CD33: variants seen among roughly 807,000 people sequenced by gnomAD.
CD33 encodes the protein myeloid cell surface antigen CD33.
Under a neutral mutation model 31.4 loss-of-function variants are expected in CD33, and 25 were observed. That is an observed-to-expected ratio of 0.80 (90% confidence interval 0.58 to 1.11). The LOEUF (loss-of-function observed/expected upper bound fraction) is 1.11. Among genes scored for constraint, CD33 ranks in the 50% most tolerant of loss-of-function variants. The pLI is 0.00. For synonymous variants in CD33, 176 were observed against 180.6 expected, an observed-to-expected ratio of 0.97 and a Z score of 0.20; for missense variants, 407 against 448.1, an observed-to-expected ratio of 0.91 and a Z score of 0.83.
chr19:51,233,017 G>A (rs2123272228), intron 4 of CD33, among the ~76,000 whole-genome samples: 1 of 152,342 alleles, frequency 6.6e-6, no homozygotes, highest in African/African-American at 2.4e-5. Flanking sequence ...ACCAGCCAGT[G>A]GTAGCCCATG....
At chr19:51,228,650 AT>A (rs1361114302) in intron 4 of CD33, among the ~76,000 whole-genome samples, 1 of 151,340 alleles carries the variant, frequency 6.6e-6, no homozygotes, top group Non-Finnish European at 1.5e-5. Flanking sequence ...TGAGAGTTTT[AT>A]TGTTAGAGTC....
the CD33 span, chr19:51,211,618 A>G: frequency 6.2e-6 from 9 of 1,449,818 alleles, no homozygotes; most frequent in Non-Finnish European, 8.4e-6. Flanking sequence ...AGCAGCCACA[A>G]GGGAAGGTCA....
chr19:51,211,158 G>C, the CD33 span: 45 of 1,597,708 alleles, frequency 2.8e-5, no homozygotes, highest in Non-Finnish European at 3.5e-5. Flanking sequence ...GAATGGCTGC[G>C]GGGAGAGGGG....
the CD33 span, chr19:51,211,960 T>C: frequency 8.0e-7 from 1 of 1,257,744 alleles, no homozygotes; most frequent in Non-Finnish European, 1.2e-6. Flanking sequence ...CACTCCTCAG[T>C]GCTCACGATC....
At chr19:51,211,599 G>A in the CD33 span, 1 of 1,494,558 alleles carries the variant, frequency 6.7e-7, no homozygotes, top group Non-Finnish European at 9.0e-7. Context: ...GTGAGGCACA[G>A]GCTTCAGAAG....
Position 51,235,569 on chromosome 19 carries a change from T to G in CD33, c.843-26T>G, listed in dbSNP as rs558681033. The G allele has an allele frequency of 6.2e-6, 10 of 1,605,316 alleles. No homozygotes were observed. The African/African-American group carries it at 1.3e-4, about 21-fold the overall frequency. On this transcript the variant is annotated intron_variant, in intron 5 of 6. Coordinates refer to ENST00000262262, the MANE Select transcript of CD33 (RefSeq NM_001772.4). ...GCCCCACAGCCTGAGAAAACCAGGC[T>G]CAAAGACCCTGGTGTCTCCCATCAG...
At chr19:51,231,261 G>A (rs565386595) in intron 4 of CD33, among the ~76,000 whole-genome samples, 2 of 152,316 alleles carry the variant, frequency 1.3e-5, no homozygotes, top group South Asian at 4.1e-4. Context: ...AATAAATAGT[G>A]TGGGCTCCCA....
At chr19:51,221,213 ATC>A (rs1241194490), upstream of CD33, among the ~76,000 whole-genome samples, 13 of 152,220 alleles carry the variant, frequency 8.5e-5, no homozygotes, top group African/African-American at 2.9e-4. Context: ...GCCAAAATAT[ATC>A]TGTTTTCTTC....
At chr19:51,211,225 C>G in the CD33 span, 1 of 1,569,604 alleles carries the variant, frequency 6.4e-7, no homozygotes, top group Non-Finnish European at 8.6e-7. Flanking sequence ...GGCTATGGAT[C>G]CAAAAATCCG....
At chr19:51,216,896 A>C in the CD33 span, among the ~76,000 whole-genome samples, 1 of 152,192 alleles carries the variant, frequency 6.6e-6, no homozygotes, top group Non-Finnish European at 1.5e-5. Context: ...GTATATAAGC[A>C]AAAGCATCCC....
intron 3 of CD33, 113 bp downstream of exon 3, chr19:51,226,194 G>A: frequency 2.0e-6 from 3 of 1,514,858 alleles, no homozygotes; most frequent in Non-Finnish European, 2.7e-6. Flanking sequence ...GAGCCAGAAG[G>A]ACATGAGCCC....
intron 6 of CD33, chr19:51,236,111 TAG>T (rs1166438900): frequency 3.1e-5 from 14 of 448,258 alleles, no homozygotes; most frequent in Non-Finnish European, 5.8e-5. Flanking sequence ...TGAGCCGACA[TAG>T]CACCACTGCA....
At chr19:51,217,042 A>T in the CD33 span, among the ~76,000 whole-genome samples, 1 of 152,214 alleles carries the variant, frequency 6.6e-6, no homozygotes, top group Non-Finnish European at 1.5e-5. Context: ...AGGACACTGC[A>T]GACCACCTGG....
chr19:51,225,364 C>A lies in CD33; in HGVS notation c.184C>A (p.Arg62=). The part of the protein sequence containing the change: ...KNSPVHGYWF[R]EGAIISRDSP... Reference sequence around the variant, plus strand: ...CTCCCCAGTTCATGGTTACTGGTTCCGGGAAGGAGCCATTATATCCAGGGA... The same window carrying A: ...CTCCCCAGTTCATGGTTACTGGTTCAGGGAAGGAGCCATTATATCCAGGGA... The change falls in exon 2 of 7, where the codon CGG becomes AGG. Residue 62 remains arginine (R), a synonymous_variant. Coordinates refer to ENST00000262262, the MANE Select transcript of CD33 (RefSeq NM_001772.4). 6.2e-7 allele frequency: 1 copy of A among 1,614,170 alleles called. No individual in the cohort carries two copies. The highest frequency in any genetic ancestry group is 8.5e-7 in the Non-Finnish European group (1 of 1,180,030).
the CD33 span, among the ~76,000 whole-genome samples, chr19:51,218,482 T>C: frequency 6.6e-6 from 1 of 152,224 alleles, no homozygotes; most frequent in East Asian, 1.9e-4. Flanking sequence ...AGGTTGTCTG[T>C]TCACTCTGTT....
At chr19:51,229,209 T>C (rs1192411368) in intron 4 of CD33, among the ~76,000 whole-genome samples, 1 of 152,276 alleles carries the variant, frequency 6.6e-6, no homozygotes, top group Non-Finnish European at 1.5e-5. Context: ...GATTTGCATA[T>C]GTTGAATCAT....
chr19:51,235,940 C>G (rs184018621), intron 6 of CD33: 7 of 697,292 alleles, frequency 1.0e-5, no homozygotes, highest in Non-Finnish European at 1.8e-5. Flanking sequence ...GGGCGGATCA[C>G]GAGGTCAGGA....
At chr19:51,216,220 CCGAGTG>C in the CD33 span, among the ~76,000 whole-genome samples, 1 of 81,480 alleles carries the variant, frequency 1.2e-5, no homozygotes, top group African/African-American at 4.9e-5. Flanking sequence ...TAAATGTCAC[CCGAGTG>C]TGTGTGTGTG....
chr19:51,214,395 A>T, the CD33 span, among the ~76,000 whole-genome samples: 321 of 150,336 alleles, frequency 2.1e-3, no homozygotes, highest in Non-Finnish European at 3.7e-3. Flanking sequence ...ACAGGGTTTC[A>T]CCATGTTGGT....
Sources: allele counts gnomAD v4.1 joint callset (sites outside exome capture counted in the v4.1 genomes callset), GRCh38; gene constraint gnomAD v4.1.1; transcripts MANE v1.5; gene names NCBI Gene and HGNC (gene_info 2026-07-23, HGNC 2026-07-21).